Variants in KCNMA1 observed in about 807,000 individuals in gnomAD.
The protein encoded by KCNMA1 is Calcium-activated potassium channel subunit alpha-1.
A neutral mutation model predicts 140.0 loss-of-function variants in KCNMA1; 29 were observed. The observed-to-expected ratio is 0.21, with a 90% CI of 0.15 to 0.28. The LOEUF is 0.28. KCNMA1 is among the 10% of genes least tolerant of loss of function. The probability of loss-of-function intolerance (pLI) is 1.00; values close to 1 mark genes in which losing one functional copy is unlikely to be tolerated. For synonymous variants in KCNMA1, 612 were observed against 611.9 expected (o/e 1.00, Z 0.00); for missense variants, 880 against 1,602.2 (o/e 0.55, Z 7.70).
intron 16 of KCNMA1, chr10:77,023,008 T>C: frequency 2.2e-6 from 1 of 450,770 alleles, no homozygotes; most frequent in Non-Finnish European, 4.5e-6. Context: ...TTCCTAGACA[T>C]AAAACACATC....
Position 77,065,396 on chromosome 10 carries a change from A to G in KCNMA1, c.1749+7701T>C, listed in dbSNP as rs568494880. On this transcript the variant is annotated intron_variant, in intron 14 of 27. Coordinates refer to ENST00000286628, the MANE Select transcript of KCNMA1 (RefSeq NM_001161352.2). ...CAATGAAGCTGAGAAGAACAGCTGTATACTTCCTAGAGAATATGAAGTGGG... is the reference window on the plus strand; with the variant it reads ...CAATGAAGCTGAGAAGAACAGCTGTGTACTTCCTAGAGAATATGAAGTGGG... Among the ~76,000 whole-genome samples the G allele has an allele frequency of 2.6e-5, 4 of 152,322 alleles. No individual in the cohort carries two copies. The South Asian group carries it at 8.3e-4, about 32-fold the overall frequency.
chr10:77,417,135 C>A (rs2096759314), intron 1 of KCNMA1, among the ~76,000 whole-genome samples: 1 of 152,204 alleles, frequency 6.6e-6, no homozygotes, highest in Admixed American at 6.5e-5. Context: ...CTGATCAAAT[C>A]CCAGAGGTGC....
At chr10:76,879,515 C>T (rs1281297359) in intron 29 of KCNMA1, among the ~76,000 whole-genome samples, 1 of 152,008 alleles carries the variant, frequency 6.6e-6, no homozygotes, top group Admixed American at 6.5e-5. Flanking sequence ...CTGAGATGAT[C>T]TACAGCTTGC....
chr10:76,969,416 C>T (rs1006050562), intron 20 of KCNMA1, among the ~76,000 whole-genome samples: 1 of 152,146 alleles, frequency 6.6e-6, no homozygotes, highest in Non-Finnish European at 1.5e-5. Context: ...TACTTTTGAA[C>T]TTTGCTTTGG....
chr10:77,524,748 C>T (rs953600128), intron 1 of KCNMA1, among the ~76,000 whole-genome samples: 1 of 152,182 alleles, frequency 6.6e-6, no homozygotes, highest in Non-Finnish European at 1.5e-5. Flanking sequence ...TATCAGCTAC[C>T]TCCCCACTCA....
chr10:77,454,179 CA>C (rs1187859368), intron 1 of KCNMA1, among the ~76,000 whole-genome samples: 3 of 152,084 alleles, frequency 2.0e-5, no homozygotes, highest in South Asian at 4.2e-4. Context: ...TTCAAAAAGG[CA>C]AAAAAATTGA....
At chr10:76,957,127 C>CAAAAAA (rs569115924) in intron 20 of KCNMA1, among the ~76,000 whole-genome samples, 3 of 71,364 alleles carry the variant, frequency 4.2e-5, no homozygotes, top group African/African-American at 1.2e-4. Flanking sequence ...GACTCTGTCT[C>CAAAAAA]AAAAAAAAAA....
intron 18 of KCNMA1, among the ~76,000 whole-genome samples, chr10:77,003,069 C>A (rs1790081363): frequency 6.6e-6 from 1 of 152,090 alleles, no homozygotes; most frequent in South Asian, 2.1e-4. Flanking sequence ...GTTCTAAGAC[C>A]TTTATGACTT....
chr10:77,348,100 C>T lies in KCNMA1; in HGVS notation c.540+55762G>A, dbSNP rs181689901. On this transcript the variant is annotated intron_variant, in intron 2 of 27. Coordinates refer to ENST00000286628, the MANE Select transcript of KCNMA1 (RefSeq NM_001161352.2). ...CCCATAGAAACAAGCATTTTAGTTTCACTAGAATCACCGGGATAAACAGAG... is the reference window on the plus strand; with the variant it reads ...CCCATAGAAACAAGCATTTTAGTTTTACTAGAATCACCGGGATAAACAGAG... 2.1e-3 allele frequency among the ~76,000 whole-genome samples: 327 copies of T among 152,264 alleles called. 1 individual carries two copies. The highest frequency in any genetic ancestry group is 4.2e-3 in the Non-Finnish European group (285 of 68,026).
chr10:77,545,575 T>A (rs1209124280), intron 1 of KCNMA1, among the ~76,000 whole-genome samples: 1 of 152,212 alleles, frequency 6.6e-6, no homozygotes, highest in African/African-American at 2.4e-5. Flanking sequence ...CAGCATCTCC[T>A]GTGCCAGGAG....
chr10:77,470,360 C>T (rs1401013951), intron 1 of KCNMA1, among the ~76,000 whole-genome samples: 1 of 152,150 alleles, frequency 6.6e-6, no homozygotes, highest in Non-Finnish European at 1.5e-5. Flanking sequence ...AAGCTGCTTA[C>T]TGTGTGCCGC....
At chr10:77,554,546 G>A (rs556032000) in intron 1 of KCNMA1, among the ~76,000 whole-genome samples, 3 of 134,634 alleles carry the variant, frequency 2.2e-5, no homozygotes, top group South Asian at 2.3e-4. Flanking sequence ...GCAGTGAGCC[G>A]AGATTGCACC....
intron 5 of KCNMA1, among the ~76,000 whole-genome samples, chr10:77,127,105 CACACACACACACACA>C (rs1270278396): frequency 2.4e-4 from 8 of 33,960 alleles, no homozygotes; most frequent in Non-Finnish European, 4.5e-4. Context: ...CACACACACA[CACACACACACACACA>C]GAGTACATAT....
chr10:77,030,987 G>T (rs1404173571), intron 15 of KCNMA1, among the ~76,000 whole-genome samples: 1 of 152,200 alleles, frequency 6.6e-6, no homozygotes, highest in East Asian at 1.9e-4. Flanking sequence ...CAGATTTTCA[G>T]ACTCAAGCCC....
intron 5 of KCNMA1, among the ~76,000 whole-genome samples, chr10:77,130,419 G>C (rs1178070388): frequency 6.6e-6 from 1 of 152,124 alleles, no homozygotes; most frequent in East Asian, 1.9e-4. Context: ...GGTATTAAAT[G>C]CATTCTCAAA....
At chr10:77,391,112 T>C (rs1160862458) in intron 2 of KCNMA1, among the ~76,000 whole-genome samples, 1 of 152,180 alleles carries the variant, frequency 6.6e-6, no homozygotes, top group Non-Finnish European at 1.5e-5. Context: ...ATCCTTTGCG[T>C]TAACCTGCTG....
At chr10:77,487,933 G>A (rs771229691) in intron 1 of KCNMA1, among the ~76,000 whole-genome samples, 4 of 152,130 alleles carry the variant, frequency 2.6e-5, no homozygotes, top group Non-Finnish European at 4.4e-5. Context: ...CCATCCAGGT[G>A]ATGCTAATGC....
chr10:77,113,621 G>A (rs1320472784), intron 6 of KCNMA1, among the ~76,000 whole-genome samples: 2 of 151,942 alleles, frequency 1.3e-5, no homozygotes, highest in African/African-American at 2.4e-5. Flanking sequence ...CCGCCACCAC[G>A]CCCAGCTAAT....
chr10:77,606,419 G>T (rs2154567170), intron 1 of KCNMA1, among the ~76,000 whole-genome samples: 1 of 152,278 alleles, frequency 6.6e-6, no homozygotes, highest in Admixed American at 6.5e-5. Flanking sequence ...ATCGCTTGAG[G>T]CTGGGAGTTC....
Sources: gnomAD v4.1 joint callset for allele counts (sites outside exome capture counted in the v4.1 genomes callset) on GRCh38, gnomAD v4.1.1 for gene constraint, MANE v1.5 for transcripts, NCBI Gene and HGNC (gene_info 2026-07-23, HGNC 2026-07-21) for gene names.